The following KLHL13 variants were observed in gnomAD, a reference collection of about 807,000 sequenced individuals.
KLHL13 encodes the protein kelch like family member 13.
KLHL13 carries 10 observed loss-of-function variants against 37.1 expected under a neutral mutation model. The ratio of observed to expected loss-of-function variants is 0.27; its 90% CI spans 0.17 to 0.46. The LOEUF (loss-of-function observed/expected upper bound fraction) is 0.46, where lower values mean the gene tolerates loss of function less well. Ranked by LOEUF, KLHL13 falls within the 20% of genes least tolerant of loss-of-function variation. The pLI, the probability that KLHL13 is intolerant of heterozygous loss-of-function variation, is 1.00. For synonymous variants in KLHL13, 163 were observed against 181.2 expected, an observed-to-expected ratio of 0.90 and a Z score of 0.81; for missense variants, 360 against 509.3, an observed-to-expected ratio of 0.71 and a Z score of 2.82.
At chrX:118,033,216 C>A (rs1442255313) in intron 1 of KLHL13, among the ~76,000 whole-genome samples, 4 of 110,924 alleles carry the variant, frequency 3.6e-5, no homozygotes, top group African/African-American at 1.3e-4. Context: ...GGCAGGCCAA[C>A]ATTCAGATTC....
chrX:117,975,641 T>A (rs535706954), upstream of KLHL13, among the ~76,000 whole-genome samples: 141 of 112,216 alleles, frequency 1.3e-3, no homozygotes, highest in Middle Eastern at 9.1e-3. Flanking sequence ...TCCACCCGAC[T>A]TGGCCTCCCA....
At chrX:118,012,846 G>A (rs2192259) in intron 1 of KLHL13, among the ~76,000 whole-genome samples, 6,076 of 111,132 alleles carry the variant, frequency 0.055, 406 homozygotes, top group African/African-American at 0.19. Flanking sequence ...TCTAAAGAAG[G>A]TATATATACA....
intron 2 of KLHL13, among the ~76,000 whole-genome samples, chrX:117,936,623 C>A (rs776325425): frequency 3.6e-5 from 4 of 111,185 alleles, no homozygotes; most frequent in Admixed American, 2.9e-4. Flanking sequence ...GACTCCTACC[C>A]TCACTGTTCT....
intron 1 of KLHL13, among the ~76,000 whole-genome samples, chrX:118,104,701 A>G (rs1312164110): frequency 1.8e-5 from 2 of 111,890 alleles, no homozygotes; most frequent in Non-Finnish European, 3.8e-5. Flanking sequence ...ATAAATCATG[A>G]ACATTTTGAT....
At chrX:118,036,230 T>C (rs1239963208) in intron 1 of KLHL13, among the ~76,000 whole-genome samples, 2 of 107,964 alleles carry the variant, frequency 1.9e-5, no homozygotes, top group Non-Finnish European at 3.8e-5. Context: ...CTTCACAGAA[T>C]TGGAAAAAAC....
At chrX:117,909,817 A>G (rs752460705) in exon 5 of KLHL13, 2 of 1,198,585 alleles carry the variant, frequency 1.7e-6, no homozygotes, top group Non-Finnish European at 2.3e-6. Context: ...ATCAGTGGAA[A>G]TCGTATGTTC....
chrX:118,093,771 G>A (rs764850261), intron 1 of KLHL13, among the ~76,000 whole-genome samples: 1 of 110,719 alleles, frequency 9.0e-6, no homozygotes, highest in Admixed American at 9.7e-5. Context: ...GCCAAAAACT[G>A]GTTATTACAG....
chrX:117,920,446 G>C lies in KLHL13; in HGVS notation c.241-76C>G, dbSNP rs958914814. 9.9e-6 allele frequency: 10 copies of C among 1,009,755 alleles called. No individual in the cohort carries two copies. In the South Asian group the frequency reaches 1.5e-4, roughly 15 times the overall value. The allele number at this position is 1,009,755 out of a possible 1,213,427, so 83.2% of individuals were successfully genotyped here. A position where few individuals can be genotyped will look rare whatever the true frequency, so the allele number is the denominator to read the frequency against. On this transcript the variant is annotated intron_variant, in intron 2 of 6. Coordinates refer to ENST00000262820, the Ensembl canonical transcript of KLHL13. ...AAATCTTCGTGTGCTAAAATTGTTT[G>C]AATATTAATGTGGTGCAACATATGT...
intron 1 of KLHL13, among the ~76,000 whole-genome samples, chrX:118,106,141 C>T (rs1341020366): frequency 9.4e-6 from 1 of 106,941 alleles, no homozygotes; most frequent in Non-Finnish European, 1.9e-5. Context: ...TCGTGATCCG[C>T]CCGCTTTGGC....
At chrX:118,041,686 A>G (rs971125441) in intron 1 of KLHL13, among the ~76,000 whole-genome samples, 7 of 112,081 alleles carry the variant, frequency 6.2e-5, no homozygotes, top group African/African-American at 2.3e-4. Context: ...GAGTTATAAG[A>G]TATTATTTGA....
At chrX:117,905,332 C>T (rs1333376895) in intron 5 of KLHL13, among the ~76,000 whole-genome samples, 2 of 111,925 alleles carry the variant, frequency 1.8e-5, no homozygotes, top group Non-Finnish European at 3.8e-5. Context: ...AGATTGATTT[C>T]TTATATGACA....
chrX:118,050,376 G>A (rs1216219207), intron 1 of KLHL13, among the ~76,000 whole-genome samples: 2 of 112,040 alleles, frequency 1.8e-5, no homozygotes, highest in Non-Finnish European at 3.8e-5. Context: ...TCTAATGGTG[G>A]TGACCCTCAT....
intron 1 of KLHL13, among the ~76,000 whole-genome samples, chrX:118,104,063 A>C (rs921723928): frequency 6.6e-5 from 7 of 106,126 alleles, no homozygotes; most frequent in African/African-American, 2.4e-4. Flanking sequence ...AAAAAAAAAA[A>C]AAAAAAAAAA....
chrX:117,968,086 C>T (rs1348270338), intron 1 of KLHL13, among the ~76,000 whole-genome samples: 1 of 112,330 alleles, frequency 8.9e-6, no homozygotes, highest in African/African-American at 3.2e-5. Flanking sequence ...AAACCATCCA[C>T]GTGAGGACAA....
chrX:117,998,726 C>T (rs1366797619), intron 1 of KLHL13, among the ~76,000 whole-genome samples: 4 of 110,424 alleles, frequency 3.6e-5, no homozygotes, highest in East Asian at 2.8e-4. Context: ...ACCAGAAATA[C>T]TCTGCTATAA....
chrX:118,000,610 CATT>C (rs1226707350), intron 1 of KLHL13, among the ~76,000 whole-genome samples: 2,298 of 111,685 alleles, frequency 0.021, 66 homozygotes, highest in African/African-American at 0.071. Flanking sequence ...AAAGTAAGGA[CATT>C]TTAAAAGGCA....
intron 1 of KLHL13, among the ~76,000 whole-genome samples, chrX:118,008,846 T>C (rs1255862258): frequency 1.8e-5 from 2 of 111,698 alleles, no homozygotes; most frequent in African/African-American, 6.5e-5. Flanking sequence ...TCCTTGTTTG[T>C]AAAATGGGAA....
intron 1 of KLHL13, among the ~76,000 whole-genome samples, chrX:118,082,637 T>C (rs1445442782): frequency 9.0e-6 from 1 of 111,707 alleles, no homozygotes; most frequent in African/African-American, 3.2e-5. Flanking sequence ...TTTGCTTATG[T>C]TGTCTATGCT....
chrX:118,035,864 C>T (rs1197862762), intron 1 of KLHL13, among the ~76,000 whole-genome samples: 22 of 101,791 alleles, frequency 2.2e-4, no homozygotes, highest in South Asian at 4.3e-4. Context: ...AGCCCAAAAT[C>T]TCCTTAAGCT....
Sources: gnomAD v4.1 joint callset for allele counts (sites outside exome capture counted in the v4.1 genomes callset) on GRCh38, gnomAD v4.1.1 for gene constraint, MANE v1.5 for transcripts, NCBI Gene and HGNC (gene_info 2026-07-23, HGNC 2026-07-21) for gene names.